PRH1: variants seen among roughly 807,000 people sequenced by gnomAD.
The protein encoded by PRH1 is salivary acidic proline-rich phosphoprotein 1/2.
PRH1 carries 7 observed loss-of-function variants against 7.9 expected under a neutral mutation model. The ratio of observed to expected loss-of-function variants is 0.89; its 90% CI spans 0.50 to 1.67. The LOEUF (loss-of-function observed/expected upper bound fraction) is 1.67. Among genes scored for constraint, PRH1 ranks in the 40% most tolerant of loss-of-function variants. The probability of loss-of-function intolerance (pLI) is 0.00; values close to 1 mark genes in which losing one functional copy is unlikely to be tolerated. For synonymous variants in PRH1, 45 were observed against 80.8 expected (o/e 0.56, Z 2.38); for missense variants, 109 against 223.6 (o/e 0.49, Z 3.27).
intron 1 of PRH1, among the ~76,000 whole-genome samples, chr12:11,025,492 G>T (rs1333787969): frequency 2.6e-5 from 4 of 152,178 alleles, no homozygotes; most frequent in Admixed American, 2.0e-4. Context: ...ATTTTCTATT[G>T]GTCTTTTGCG....
At chr12:10,990,632 T>C (rs1464150217) in intron 1 of PRH1, among the ~76,000 whole-genome samples, 1 of 152,198 alleles carries the variant, frequency 6.6e-6, no homozygotes, top group Non-Finnish European at 1.5e-5. Flanking sequence ...TGCATCTTCA[T>C]AGGCTCTCTT....
intron 1 of PRH1, chr12:11,091,615 A>G (rs1944906118): frequency 2.4e-6 from 3 of 1,271,468 alleles, no homozygotes; most frequent in Non-Finnish European, 3.3e-6. Flanking sequence ...TCTTCTTGAG[A>G]TGTTTACACA....
intron 2 of PRH1, among the ~76,000 whole-genome samples, chr12:10,912,970 T>C (rs576134119): frequency 9.8e-5 from 15 of 152,352 alleles, no homozygotes; most frequent in Non-Finnish European, 2.2e-4. Context: ...TTTTATTCTA[T>C]TATTTCTTGA....
chr12:10,938,761 G>T (rs1430397632), intron 2 of PRH1: 3 of 1,613,828 alleles, frequency 1.9e-6, no homozygotes, highest in Non-Finnish European at 2.5e-6. Context: ...TTATATGGAT[G>T]TTTATCAGTG....
chr12:10,975,193 G>A (rs992028576), intron 1 of PRH1, among the ~76,000 whole-genome samples: 1 of 152,108 alleles, frequency 6.6e-6, no homozygotes, highest in African/African-American at 2.4e-5. Flanking sequence ...CACCTACAAA[G>A]GGAACCCCAT....
chr12:11,129,785 T>C (rs547788288), intron 1 of PRH1, among the ~76,000 whole-genome samples: 239 of 152,300 alleles, frequency 1.6e-3, no homozygotes, highest in Non-Finnish European at 2.9e-3. Context: ...CACTGTTGTA[T>C]GTCAGGGCTA....
intron 1 of PRH1, among the ~76,000 whole-genome samples, chr12:10,992,361 G>C (rs1181915735): frequency 6.6e-6 from 1 of 151,912 alleles, no homozygotes; most frequent in Non-Finnish European, 1.5e-5. Context: ...AAAAGACACT[G>C]TGTTTCACAG....
chr12:10,922,825 C>CTTTCTTTTTTT (rs1555107575), intron 2 of PRH1, among the ~76,000 whole-genome samples: 3 of 113,550 alleles, frequency 2.6e-5, no homozygotes, highest in Admixed American at 1.1e-4. Context: ...TGAATTTTTT[C>CTTTCTTTTTTT]TTTTTCTTTT....
intron 1 of PRH1, among the ~76,000 whole-genome samples, chr12:11,168,464 AAAATT>A (rs1947707803): frequency 1.3e-5 from 2 of 151,970 alleles, no homozygotes; most frequent in South Asian, 4.1e-4. Context: ...AGAGAAAAGA[AAAATT>A]AAAGAGTTTT....
upstream of PRH1, among the ~76,000 whole-genome samples, chr12:10,887,442 CTA>C (rs1378524190): frequency 7.2e-5 from 11 of 151,912 alleles, no homozygotes; most frequent in Middle Eastern, 3.4e-3. Flanking sequence ...GGCCAATTAA[CTA>C]TTAAAAATAT....
At chr12:10,939,084 A>G in intron 2 of PRH1, 2 of 1,614,010 alleles carry the variant, frequency 1.2e-6, no homozygotes, top group Non-Finnish European at 1.7e-6. Flanking sequence ...TCAACCGAAG[A>G]GATCTTTCTT....
rs79525541 is a variant in PRH1, at chr12:11,005,441, T to C, written c.-125-31720A>G. The stretch of plus-strand genomic sequence containing the variant: ...ATCTAAATTGTTAAAAGGAACTTTG[T>C]TGTAACTAGAATCATGACCACTGTG... On this transcript the variant is annotated intron_variant, in intron 1 of 3. Transcript: ENST00000539853. 2.0e-4 allele frequency among the ~76,000 whole-genome samples: 31 copies of C among 152,290 alleles called. 1 individual carries two copies. In the East Asian group the frequency reaches 6.0e-3, roughly 29 times the overall value.
At chr12:10,909,988 G>A (rs1489097310) in intron 2 of PRH1, among the ~76,000 whole-genome samples, 9 of 152,094 alleles carry the variant, frequency 5.9e-5, no homozygotes, top group East Asian at 1.9e-4. Context: ...CATTTTATCC[G>A]CTTTTCCCCT....
intron 1 of PRH1, chr12:10,997,329 C>T: frequency 6.2e-7 from 1 of 1,614,032 alleles, no homozygotes; most frequent in South Asian, 1.1e-5. Flanking sequence ...ATCAAGTTTG[C>T]TAGCATGGCT....
rs960022526 is a variant in PRH1, at chr12:11,082,216, A to C, written n.124-35028T>G. Among the ~76,000 whole-genome samples, 7 of 116,576 alleles carry C rather than the reference A, an allele frequency of 6.0e-5. 1 individual carries two copies. In the East Asian group the frequency reaches 1.5e-3, roughly 24 times the overall value. The allele number at this position is 116,576 out of a possible 152,430, so 76.5% of individuals were successfully genotyped here. A position where few individuals can be genotyped will look rare whatever the true frequency, so the allele number is the denominator to read the frequency against. On this transcript the variant is annotated intron_variant and non_coding_transcript_variant, in intron 1 of 4. Transcript: ENST00000541977. ...ATGATGATGTCAGCTAAAAGGTAGA[A>C]TGTTATTTAATAAATGTGATTTTGG...
At chr12:10,963,406 T>C (rs974306735) in intron 2 of PRH1, among the ~76,000 whole-genome samples, 7 of 152,222 alleles carry the variant, frequency 4.6e-5, no homozygotes, top group African/African-American at 1.7e-4. Context: ...ATAATTCAAA[T>C]GATTTTCATA....
At chr12:11,108,164 C>T (rs1848471575) in intron 1 of PRH1, among the ~76,000 whole-genome samples, 2 of 152,088 alleles carry the variant, frequency 1.3e-5, no homozygotes, top group Admixed American at 1.3e-4. Context: ...CCAGATCTGT[C>T]CTAGAAAAAT....
intron 1 of PRH1, among the ~76,000 whole-genome samples, chr12:11,028,706 A>C (rs1424424467): frequency 6.6e-6 from 1 of 150,432 alleles, no homozygotes; most frequent in Non-Finnish European, 1.5e-5. Flanking sequence ...TGTTTATATG[A>C]TTTTTCAAAC....
chr12:10,997,057 T>C, intron 1 of PRH1: 4 of 1,614,068 alleles, frequency 2.5e-6, no homozygotes, highest in Non-Finnish European at 2.5e-6. Context: ...ATGAGTGGAA[T>C]GATGGATATA....
Sources: allele counts gnomAD v4.1 joint callset (sites outside exome capture counted in the v4.1 genomes callset), GRCh38; gene constraint gnomAD v4.1.1; transcripts MANE v1.5; gene names NCBI Gene and HGNC (gene_info 2026-07-23, HGNC 2026-07-21).